Variants in PTPN22 observed in about 807,000 individuals in gnomAD.
PTPN22 encodes the protein protein tyrosine phosphatase non-receptor type 22.
Under a neutral mutation model 103.3 loss-of-function variants are expected in PTPN22, and 85 were observed. The ratio of observed to expected loss-of-function variants is 0.82; its 90% CI spans 0.69 to 0.99. PTPN22 has a LOEUF of 0.99. PTPN22 is among the 50% of genes least tolerant of loss of function. The probability of loss-of-function intolerance (pLI) is 0.00; values close to 1 mark genes in which losing one functional copy is unlikely to be tolerated. For synonymous variants in PTPN22, 323 were observed against 310.2 expected, an observed-to-expected ratio of 1.04 and a Z score of -0.43; for missense variants, 865 against 936.9, an observed-to-expected ratio of 0.92 and a Z score of 1.00.
chr1:113,858,808 T>C (rs1665311653), intron 3 of PTPN22, among the ~76,000 whole-genome samples, 194 bp downstream of exon 3: 1 of 152,056 alleles, frequency 6.6e-6, no homozygotes, highest in Non-Finnish European at 1.5e-5. Flanking sequence ...CCTGGCTAAT[T>C]TTTTAACTTT....
At chr1:113,853,462 T>C (rs2102075384) in intron 9 of PTPN22, among the ~76,000 whole-genome samples, 1 of 150,154 alleles carries the variant, frequency 6.7e-6, no homozygotes, top group South Asian at 2.1e-4. Context: ...GTGATTCTCC[T>C]GTCTCAGCCT....
At chr1:113,838,070 T>G in exon 13 of PTPN22, 1 of 1,613,936 alleles carries the variant, frequency 6.2e-7, no homozygotes, top group South Asian at 1.1e-5. Context: ...GTCCGTGTTA[T>G]TGGCACCTTT....
chr1:113,818,820 C>T (rs1308630475), intron 20 of PTPN22, among the ~76,000 whole-genome samples: 1 of 152,192 alleles, frequency 6.6e-6, no homozygotes, highest in Non-Finnish European at 1.5e-5. Context: ...GAGGCCACAC[C>T]TCCACTTTTT....
At chr1:113,839,899 GA>G (rs35025140) in intron 11 of PTPN22, among the ~76,000 whole-genome samples, 26 of 148,080 alleles carry the variant, frequency 1.8e-4, no homozygotes, top group East Asian at 4.0e-4. Flanking sequence ...TCTTAGGCAA[GA>G]AAAAAAAAAG....
chr1:113,855,735 T>C (rs1376293859), intron 7 of PTPN22, among the ~76,000 whole-genome samples: 3 of 152,290 alleles, frequency 2.0e-5, no homozygotes, highest in African/African-American at 7.2e-5. Context: ...TATTGGTTTG[T>C]CCCCATCTGC....
intron 4 of PTPN22, 70 bp from the exon 5 acceptor site, chr1:113,857,846 C>T (rs1345759310): frequency 4.4e-6 from 6 of 1,379,092 alleles, no homozygotes; most frequent in Admixed American, 2.1e-5. Context: ...TACATGGATC[C>T]CAGACTCAGA....
At chr1:113,834,058 T>A (rs1167909450) in intron 15 of PTPN22, among the ~76,000 whole-genome samples, 1 of 152,252 alleles carries the variant, frequency 6.6e-6, no homozygotes, top group African/African-American at 2.4e-5. Flanking sequence ...ATTGATCACA[T>A]TTGCTTTGTT....
At chr1:113,814,632 A>G (rs928557590) in exon 21 of PTPN22, 5 of 289,526 alleles carry the variant, frequency 1.7e-5, no homozygotes, top group African/African-American at 8.8e-5. Flanking sequence ...AATGAAAAAT[A>G]AATCCATTCT....
rs950009564 is a variant in PTPN22, at chr1:113,837,487, A to G, written c.1810+103T>C. ...GAAAAAAAAGAGAAAAAAGAAAGAA[A>G]GAGAAGAAGCAGAGGAGAAGAGGGA... On this transcript the variant is annotated intron_variant, in intron 13 of 20. Coordinates refer to ENST00000359785, the Ensembl canonical transcript of PTPN22. The G allele has an allele frequency of 6.2e-6, 5 of 810,040 alleles. No homozygotes were observed. The African/African-American group carries it at 9.0e-5, about 15-fold the overall frequency. 50.2% of individuals were successfully genotyped at this position (810,040 alleles called of 1,614,324 possible).
chr1:113,828,664 A>G (rs1662289406), intron 18 of PTPN22, among the ~76,000 whole-genome samples: 1 of 152,078 alleles, frequency 6.6e-6, no homozygotes, highest in African/African-American at 2.4e-5. Flanking sequence ...AATTTTTGAG[A>G]TGACGTCTCA....
intron 15 of PTPN22, among the ~76,000 whole-genome samples, chr1:113,833,915 A>G (rs958482988): frequency 2.6e-5 from 4 of 152,356 alleles, no homozygotes; most frequent in African/African-American, 2.4e-5. Context: ...CTACTTAAGT[A>G]TGAAACATTT....
At chr1:113,871,373 C>T (rs1666564334) in intron 1 of PTPN22, among the ~76,000 whole-genome samples, 164 bp downstream of exon 1, 1 of 152,118 alleles carries the variant, frequency 6.6e-6, no homozygotes, top group South Asian at 2.1e-4. Flanking sequence ...ACCTGAAATA[C>T]ATGCAAACCA....
chr1:113,871,445 C>T (rs912580377), intron 1 of PTPN22, 92 bp downstream of exon 1: 1 of 1,027,280 alleles, frequency 9.7e-7, no homozygotes, highest in Non-Finnish European at 1.5e-6. Flanking sequence ...TTTACTTTAT[C>T]CCAAGAGCAA....
exon 8 of PTPN22, chr1:113,854,940 T>A (rs145405400): frequency 1.2e-6 from 2 of 1,613,254 alleles, no homozygotes; most frequent in Non-Finnish European, 1.7e-6. Context: ...ACTGTCATCC[T>A]CTTGGTAACA....
intron 10 of PTPN22, among the ~76,000 whole-genome samples, chr1:113,850,683 CT>C (rs1664500993): frequency 6.6e-6 from 1 of 152,168 alleles, no homozygotes; most frequent in Admixed American, 6.5e-5. Flanking sequence ...TTTCCACCAG[CT>C]ATTAGTGGAA....
At chr1:113,865,933 G>A (rs1474426479) in intron 1 of PTPN22, among the ~76,000 whole-genome samples, 16 of 152,106 alleles carry the variant, frequency 1.1e-4, no homozygotes, top group South Asian at 8.3e-4. Flanking sequence ...AGCTAATCAT[G>A]GGCATAACTT....
intron 1 of PTPN22, among the ~76,000 whole-genome samples, chr1:113,866,308 C>T (rs928182512): frequency 6.6e-6 from 1 of 152,078 alleles, no homozygotes; most frequent in Non-Finnish European, 1.5e-5. Context: ...GTCAAGGGAT[C>T]GAGACCATCC....
At chr1:113,864,243 G>A in intron 1 of PTPN22, 1 of 454,002 alleles carries the variant, frequency 2.2e-6, no homozygotes, top group South Asian at 1.6e-5. Context: ...AGCTTTCTCT[G>A]GCCAGGTGTG....
At chr1:113,843,308 G>T (rs368344375) in intron 11 of PTPN22, among the ~76,000 whole-genome samples, 2 of 142,938 alleles carry the variant, frequency 1.4e-5, no homozygotes, top group South Asian at 2.3e-4. Flanking sequence ...GTGTGTGTGT[G>T]GTGTGTGTGT....
Sources: allele counts gnomAD v4.1 joint callset (sites outside exome capture counted in the v4.1 genomes callset), GRCh38; gene constraint gnomAD v4.1.1; transcripts MANE v1.5; gene names NCBI Gene and HGNC (gene_info 2026-07-23, HGNC 2026-07-21).